Variants in IQSEC1 observed in about 807,000 individuals in gnomAD.
IQSEC1 encodes the protein IQ motif and Sec7 domain ArfGEF 1, also known as IQ motif and SEC7 domain-containing protein 1.
IQSEC1 carries 31 observed loss-of-function variants against 91.0 expected under a neutral mutation model. The observed-to-expected ratio is 0.34, with a 90% CI of 0.26 to 0.46. The LOEUF (loss-of-function observed/expected upper bound fraction) is 0.46. Among genes scored for constraint, IQSEC1 ranks in the 20% least tolerant of loss-of-function variants. The pLI is 1.00. For synonymous variants in IQSEC1, 699 were observed against 662.6 expected (o/e 1.05, Z -0.84); for missense variants, 1,388 against 1,575.6 (o/e 0.88, Z 2.02).
intron 1 of IQSEC1, among the ~76,000 whole-genome samples, chr3:13,009,653 GTT>G (rs1216099207): frequency 2.3e-4 from 28 of 124,090 alleles, no homozygotes; most frequent in African/African-American, 7.6e-4. Flanking sequence ...TAATTAGTAT[GTT>G]TGTATATATA....
chr3:12,950,558 G>A (rs1479264525), intron 1 of IQSEC1, among the ~76,000 whole-genome samples: 1 of 152,018 alleles, frequency 6.6e-6, no homozygotes, highest in African/African-American at 2.4e-5. Context: ...TGTAGTCCCG[G>A]TGCTTTCGGA....
At chr3:12,960,043 G>T (rs983473877) in intron 1 of IQSEC1, among the ~76,000 whole-genome samples, 8 of 152,160 alleles carry the variant, frequency 5.3e-5, no homozygotes, top group Non-Finnish European at 8.8e-5. Context: ...GGAAAGAGCT[G>T]CTTCCCCAAA....
At position 12,994,998 on chromosome 3, in the gene IQSEC1, C is replaced by T. The variant is rs2125644091; in HGVS notation, c.24-53133G>A. 1 of 152,466 alleles carries T rather than the reference C, an allele frequency of 6.6e-6. No individual in the cohort carries two copies. 9.4% of individuals were successfully genotyped at this position (152,466 alleles called of 1,614,324 possible). ...GGAGAAAGCGAGGACGCGCGAGTGCCCTCCCTGGTGGGTCGCAGAGCAGAC... is the reference window on the plus strand; with the variant it reads ...GGAGAAAGCGAGGACGCGCGAGTGCTCTCCCTGGTGGGTCGCAGAGCAGAC... On this transcript the variant is annotated intron_variant, in intron 1 of 13. Coordinates refer to ENST00000613206, the MANE Select transcript of IQSEC1 (RefSeq NM_001134382.3). This position sits in a 1 kb window ranked among gnomAD's most constrained non-coding sequence, Gnocchi z 4.5.
At chr3:13,217,245 C>T (rs1209474836) in intron 1 of IQSEC1, among the ~76,000 whole-genome samples, 1 of 152,190 alleles carries the variant, frequency 6.6e-6, no homozygotes, top group Non-Finnish European at 1.5e-5. Context: ...CAATGAGATC[C>T]CTCATGCATT....
intron 1 of IQSEC1, among the ~76,000 whole-genome samples, chr3:12,966,457 C>T (rs1314773371): frequency 1.3e-5 from 2 of 152,222 alleles, no homozygotes; most frequent in Non-Finnish European, 2.9e-5. Context: ...CCCCCTGCTC[C>T]TCAGAAGGGC....
rs1696744658 is a variant in IQSEC1, at chr3:12,922,701, G to A, written c.1731-459C>T. Among the ~76,000 whole-genome samples the A allele has an allele frequency of 6.6e-6, 1 of 152,274 alleles. No homozygotes were observed. Among genetic ancestry groups the A allele is most frequent in the South Asian group, 2.1e-4 (1 of 4,820 alleles). On this transcript the variant is annotated intron_variant, in intron 4 of 13. Transcript: ENST00000613206. This position sits in a 1 kb window ranked among gnomAD's most constrained non-coding sequence, Gnocchi z 5.1. ...TCAGAATAAGCCTGTTCTCTTGTGG[G>A]GAGAGTATCGGGGTGGTGGGCTGGG...
At chr3:13,125,081 G>A (rs1435367191) in intron 2 of IQSEC1, among the ~76,000 whole-genome samples, 1 of 152,148 alleles carries the variant, frequency 6.6e-6, no homozygotes, top group Admixed American at 6.5e-5. Context: ...GCAGTGCGCA[G>A]CTCCCCACTG....
At position 13,259,083 on chromosome 3, in the gene IQSEC1, A is replaced by T. The variant is rs1303473596; in HGVS notation, c.272+23628T>A. ...GAGGTCTCTCAACATGATAAACTGG[A>T]CCCTGTCATCCAAGCTCAAATCTTC... On this transcript the variant is annotated intron_variant, in intron 1 of 15. Transcript: ENST00000648114. This position sits in a 1 kb window ranked among gnomAD's most constrained non-coding sequence, Gnocchi z 4.6. Among the ~76,000 whole-genome samples the T allele has an allele frequency of 2.6e-5, 4 of 151,956 alleles. No individual in the cohort carries two copies. The highest frequency in any genetic ancestry group is 4.8e-5 in the African/African-American group (2 of 41,346).
chr3:13,199,568 C>T (rs542468788), intron 1 of IQSEC1, among the ~76,000 whole-genome samples: 2 of 152,270 alleles, frequency 1.3e-5, no homozygotes, highest in East Asian at 3.9e-4. Flanking sequence ...GTGGTCGCCC[C>T]TCCGCTCCTT....
chr3:13,085,769 C>T (rs933888842), intron 2 of IQSEC1, among the ~76,000 whole-genome samples: 1 of 152,244 alleles, frequency 6.6e-6, no homozygotes, highest in Admixed American at 6.5e-5. Flanking sequence ...CTTGGACTTC[C>T]GTCTGAGACT....
intron 1 of IQSEC1, among the ~76,000 whole-genome samples, chr3:13,230,502 C>T (rs571584084): frequency 6.6e-6 from 1 of 152,196 alleles, no homozygotes; most frequent in African/African-American, 2.4e-5. Context: ...TTTGAGCATC[C>T]CCAAAACTGT....
Position 12,900,212 on chromosome 3 carries a change from A to G in IQSEC1, c.*771T>C. The G allele has an allele frequency of 1.0e-6, 1 of 981,546 alleles. No homozygotes were observed. 60.8% of individuals were successfully genotyped at this position (981,546 alleles called of 1,614,324 possible). ...TGGACTTTTTAAACAGTTAGATGCT[A>G]TGTTACTTGGCACAGTTAGTAATGA... On this transcript the variant is annotated 3_prime_UTR_variant, in exon 14 of 14. Coordinates refer to ENST00000613206, the MANE Select transcript of IQSEC1 (RefSeq NM_001134382.3).
At chr3:13,275,880 G>A (rs1049026498) in intron 1 of IQSEC1, among the ~76,000 whole-genome samples, 36 of 152,208 alleles carry the variant, frequency 2.4e-4, no homozygotes, top group Admixed American at 6.5e-5. Context: ...CACAGCAGGC[G>A]CTCTACCGAT....
chr3:13,252,403 C>T (rs7621808), intron 1 of IQSEC1, among the ~76,000 whole-genome samples: 33,937 of 152,204 alleles, frequency 0.22, 6,825 homozygotes, highest in African/African-American at 0.54. Flanking sequence ...AACCATATTC[C>T]ACTGTGTGCA....
chr3:12,932,521 A>G (rs932065930), intron 3 of IQSEC1, among the ~76,000 whole-genome samples: 1 of 152,302 alleles, frequency 6.6e-6, no homozygotes, highest in East Asian at 1.9e-4. Flanking sequence ...CCGTCAGCAC[A>G]TGGAAGGATT....
chr3:13,184,454 G>A (rs1693896629), intron 1 of IQSEC1, among the ~76,000 whole-genome samples: 1 of 152,184 alleles, frequency 6.6e-6, no homozygotes, highest in African/African-American at 2.4e-5. Context: ...AGAAGGAAAT[G>A]TCCTCAGCCT....
At chr3:13,275,355 T>A (rs776526205) in intron 1 of IQSEC1, among the ~76,000 whole-genome samples, 1 of 152,186 alleles carries the variant, frequency 6.6e-6, no homozygotes, top group African/African-American at 2.4e-5. Flanking sequence ...AGGCCCAGCT[T>A]GGAGGGCAGG....
intron 2 of IQSEC1, among the ~76,000 whole-genome samples, chr3:13,121,347 T>C (rs557964421): frequency 6.6e-6 from 1 of 152,288 alleles, no homozygotes; most frequent in African/African-American, 2.4e-5. Context: ...AAGAAGCCAA[T>C]GTCATTCTCA....
intron 6 of IQSEC1, among the ~76,000 whole-genome samples, chr3:12,917,711 C>T (rs1177885041): frequency 6.6e-6 from 1 of 152,248 alleles, no homozygotes; most frequent in African/African-American, 2.4e-5. Flanking sequence ...TATCCGTGTG[C>T]AGGTTTTTCT....
Sources: allele counts gnomAD v4.1 joint callset (sites outside exome capture counted in the v4.1 genomes callset), GRCh38; gene constraint gnomAD v4.1.1; non-coding constraint Gnocchi (gnomAD v3.1); transcripts MANE v1.5; gene names NCBI Gene and HGNC (gene_info 2026-07-23, HGNC 2026-07-21).